Variants in SEMA5A observed in about 807,000 individuals in gnomAD.
The protein encoded by SEMA5A is semaphorin 5A.
Under a neutral mutation model 135.5 loss-of-function variants are expected in SEMA5A, and 55 were observed. The ratio of observed to expected loss-of-function variants is 0.41; its 90% CI spans 0.33 to 0.51. SEMA5A has a LOEUF of 0.51. Ranked by LOEUF, SEMA5A falls within the 20% of genes least tolerant of loss-of-function variation. SEMA5A has a pLI of 0.37. For missense variants in SEMA5A, 1,290 were observed against 1,419.9 expected (o/e 0.91, Z 1.47); for synonymous variants, 580 against 546.5 (o/e 1.06, Z -0.85).
chr5:9,250,536 C>T (rs1330397102), intron 5 of SEMA5A, among the ~76,000 whole-genome samples: 3 of 152,136 alleles, frequency 2.0e-5, no homozygotes, highest in African/African-American at 7.2e-5. Flanking sequence ...ATGTTTTGAT[C>T]ATCACACTTT....
chr5:9,170,120 A>G (rs555788733), intron 11 of SEMA5A, among the ~76,000 whole-genome samples: 1 of 152,224 alleles, frequency 6.6e-6, no homozygotes, highest in African/African-American at 2.4e-5. Context: ...CCCCTTTTCT[A>G]GCCTAAGTAT....
At chr5:9,476,935 G>T (rs1181997731) in intron 1 of SEMA5A, among the ~76,000 whole-genome samples, 3 of 151,420 alleles carry the variant, frequency 2.0e-5, no homozygotes, top group Admixed American at 1.3e-4. Context: ...AAAAAAAATA[G>T]CCATGCATGG....
At chr5:9,377,603 T>C (rs933056341) in intron 3 of SEMA5A, among the ~76,000 whole-genome samples, 1 of 152,042 alleles carries the variant, frequency 6.6e-6, no homozygotes, top group Non-Finnish European at 1.5e-5. Flanking sequence ...ACAACTAGGT[T>C]TGCATGAAGC....
intron 6 of SEMA5A, among the ~76,000 whole-genome samples, chr5:9,236,831 A>G (rs1437030976): frequency 1.3e-5 from 2 of 152,148 alleles, no homozygotes; most frequent in Non-Finnish European, 2.9e-5. Context: ...GGGAAACCCC[A>G]TAACTAAGCT....
chr5:9,176,423 C>T (rs1357898185), intron 11 of SEMA5A, among the ~76,000 whole-genome samples: 1 of 152,174 alleles, frequency 6.6e-6, no homozygotes, highest in Non-Finnish European at 1.5e-5. Flanking sequence ...AGACTGCAGC[C>T]CTAGCTGGCA....
chr5:9,154,065 ATAT>A (rs1560967888), intron 12 of SEMA5A, among the ~76,000 whole-genome samples: 1,277 of 46,958 alleles, frequency 0.027, 55 homozygotes, highest in Non-Finnish European at 0.047. Context: ...AAAAAAAAAT[ATAT>A]ATATATATAT....
intron 13 of SEMA5A, among the ~76,000 whole-genome samples, chr5:9,129,956 A>G (rs1235138751): frequency 6.6e-6 from 1 of 152,246 alleles, no homozygotes; most frequent in Non-Finnish European, 1.5e-5. Flanking sequence ...CAACCACTTC[A>G]TTCTGTAAAG....
At chr5:9,093,780 T>C (rs1388133271) in intron 16 of SEMA5A, among the ~76,000 whole-genome samples, 1 of 151,718 alleles carries the variant, frequency 6.6e-6, no homozygotes, top group East Asian at 1.9e-4. Flanking sequence ...GAATGATGAC[T>C]ACTCACTTTC....
intron 1 of SEMA5A, among the ~76,000 whole-genome samples, chr5:9,453,436 G>C (rs1488608363): frequency 1.3e-5 from 2 of 152,116 alleles, no homozygotes; most frequent in Non-Finnish European, 2.9e-5. Flanking sequence ...TGATTTGTCT[G>C]TTTAAAATGG....
At chr5:9,207,909 ATAGATAAT>A (rs1746135155) in intron 8 of SEMA5A, among the ~76,000 whole-genome samples, 1 of 88,834 alleles carries the variant, frequency 1.1e-5, no homozygotes, top group Non-Finnish European at 2.4e-5. Flanking sequence ...ACATAGATAG[ATAGATAAT>A]AGATAGATTT....
At chr5:9,184,231 A>G (rs1402296036) in intron 11 of SEMA5A, among the ~76,000 whole-genome samples, 1 of 148,436 alleles carries the variant, frequency 6.7e-6, no homozygotes, top group African/African-American at 2.5e-5. Context: ...GTATCCTGAG[A>G]CCATGTGATT....
Position 9,184,929 on chromosome 5 carries a change from AT to A in SEMA5A, c.1273+5337del, listed in dbSNP as rs890874019. On this transcript the variant is annotated intron_variant, in intron 11 of 22. Transcript: ENST00000382496. Reference sequence around the variant, plus strand: ...TTTGTTGAAGGTCTTGAGCCTTCATATTTTTTTTTCCTTTTTGAGACAGCAT... The same window carrying A: ...TTTGTTGAAGGTCTTGAGCCTTCATATTTTTTTTCCTTTTTGAGACAGCAT... Among the ~76,000 whole-genome samples the A allele has an allele frequency of 1.4e-3, 212 of 151,282 alleles. 1 individual carries two copies. The highest frequency in any genetic ancestry group is 4.4e-3 in the African/African-American group (182 of 41,212).
chr5:9,171,787 C>T (rs1417926760), intron 11 of SEMA5A, among the ~76,000 whole-genome samples: 1 of 152,088 alleles, frequency 6.6e-6, no homozygotes, highest in Admixed American at 6.5e-5. Flanking sequence ...TCCAGTCAGA[C>T]AGCAAGAGTC....
intron 8 of SEMA5A, among the ~76,000 whole-genome samples, chr5:9,207,245 G>A (rs560824953): frequency 1.3e-4 from 20 of 151,684 alleles, no homozygotes; most frequent in Non-Finnish European, 2.4e-4. Flanking sequence ...GAGTGCAATG[G>A]TGCGATCTCA....
intron 1 of SEMA5A, among the ~76,000 whole-genome samples, chr5:9,457,229 G>A (rs7724569): frequency 0.059 from 8,909 of 152,234 alleles, 417 homozygotes; most frequent in African/African-American, 0.13. Context: ...CCTACAACAC[G>A]CAAACTCTCC....
chr5:9,275,036 T>A (rs1750181875), intron 5 of SEMA5A, among the ~76,000 whole-genome samples: 1 of 151,648 alleles, frequency 6.6e-6, no homozygotes, highest in Non-Finnish European at 1.5e-5. Context: ...AATCAATGAA[T>A]CCAGGAGCTG....
chr5:9,145,802 C>CTTTTTT (rs397935817), intron 12 of SEMA5A, among the ~76,000 whole-genome samples: 1 of 138,888 alleles, frequency 7.2e-6, no homozygotes. Flanking sequence ...CCACATCCAG[C>CTTTTTT]TTTTTTTTTT....
At chr5:9,185,775 T>C (rs1744769757) in intron 11 of SEMA5A, among the ~76,000 whole-genome samples, 1 of 152,200 alleles carries the variant, frequency 6.6e-6, no homozygotes, top group African/African-American at 2.4e-5. Context: ...ATAAAAATGA[T>C]ATATCTCATC....
chr5:9,278,284 G>T (rs941482388), intron 5 of SEMA5A, among the ~76,000 whole-genome samples: 7 of 152,230 alleles, frequency 4.6e-5, no homozygotes, highest in Admixed American at 3.3e-4. Context: ...ATTACTTAGG[G>T]TATCTGGTGG....
Sources: gnomAD v4.1 joint callset for allele counts (sites outside exome capture counted in the v4.1 genomes callset) on GRCh38, gnomAD v4.1.1 for gene constraint, MANE v1.5 for transcripts, NCBI Gene and HGNC (gene_info 2026-07-23, HGNC 2026-07-21) for gene names.